OPCML: variants seen among roughly 807,000 people sequenced by gnomAD.
The protein encoded by OPCML is opioid-binding protein/cell adhesion molecule.
A neutral mutation model predicts 37.8 loss-of-function variants in OPCML; 13 were observed. The observed-to-expected ratio is 0.34, with a 90% CI of 0.22 to 0.55. OPCML has a LOEUF of 0.55. OPCML is among the 20% of genes least tolerant of loss of function. OPCML has a pLI of 0.91. For synonymous variants in OPCML, 176 were observed against 168.8 expected, an observed-to-expected ratio of 1.04 and a Z score of -0.33; for missense variants, 341 against 435.6, an observed-to-expected ratio of 0.78 and a Z score of 1.93.
At chr11:132,737,462 GATTAT>G (rs1945296936) in intron 2 of OPCML, among the ~76,000 whole-genome samples, 1 of 152,086 alleles carries the variant, frequency 6.6e-6, no homozygotes, top group Admixed American at 6.6e-5. Context: ...GAATGAGAAT[GATTAT>G]ATAACTAGAA....
At chr11:133,481,309 T>C (rs764393357) in intron 1 of OPCML, among the ~76,000 whole-genome samples, 1 of 152,130 alleles carries the variant, frequency 6.6e-6, no homozygotes, top group Non-Finnish European at 1.5e-5. Context: ...TCTAATCACC[T>C]CATTTTACAG....
intron 1 of OPCML, among the ~76,000 whole-genome samples, chr11:133,501,216 T>A (rs1014459538): frequency 2.6e-5 from 4 of 152,166 alleles, no homozygotes; most frequent in Admixed American, 2.6e-4. Flanking sequence ...TTCTATACGC[T>A]GTCCACAGGC....
intron 1 of OPCML, among the ~76,000 whole-genome samples, chr11:133,136,875 GTTGGGGAAGGGGTTTTAA>G (rs1949700801): frequency 7.8e-6 from 1 of 127,872 alleles, no homozygotes; most frequent in African/African-American, 3.0e-5. Flanking sequence ...GTGTGTGTGT[GTTGGGGAAGGGGTTTTAA>G]TGTGTTTCAT....
At chr11:132,523,528 G>A (rs12223209) in intron 4 of OPCML, among the ~76,000 whole-genome samples, 1 of 146,654 alleles carries the variant, frequency 6.8e-6, no homozygotes, top group East Asian at 2.0e-4. Flanking sequence ...CAGATCAGAA[G>A]AAATGCGGCT....
intron 1 of OPCML, among the ~76,000 whole-genome samples, chr11:133,398,862 A>G (rs1191279267): frequency 6.6e-6 from 1 of 152,140 alleles, no homozygotes; most frequent in African/African-American, 2.4e-5. Context: ...CTAATTTTCT[A>G]TTAGCCCTAT....
At chr11:132,422,269 G>A (rs1346011722) in intron 7 of OPCML, among the ~76,000 whole-genome samples, 1 of 152,156 alleles carries the variant, frequency 6.6e-6, no homozygotes, top group African/African-American at 2.4e-5. Flanking sequence ...CATTCCTGTG[G>A]ATACCATGCC....
intron 4 of OPCML, among the ~76,000 whole-genome samples, chr11:132,479,456 C>A (rs2512719): frequency 2.0e-5 from 3 of 152,096 alleles, no homozygotes; most frequent in Admixed American, 2.0e-4. Context: ...GAAGGGGCGC[C>A]CACCATTGCC....
chr11:133,472,473 G>A (rs1007657583), intron 1 of OPCML, among the ~76,000 whole-genome samples: 2 of 151,820 alleles, frequency 1.3e-5, no homozygotes, highest in Non-Finnish European at 2.9e-5. Flanking sequence ...CATCATGAAC[G>A]GAATAGCTCT....
chr11:132,914,214 T>C (rs1187169924), intron 2 of OPCML, among the ~76,000 whole-genome samples: 1 of 152,244 alleles, frequency 6.6e-6, no homozygotes, highest in Non-Finnish European at 1.5e-5. Context: ...CAAAGAGAAC[T>C]GCCTTGTGGC....
intron 1 of OPCML, among the ~76,000 whole-genome samples, chr11:132,971,732 G>A (rs952795301): frequency 6.6e-6 from 1 of 152,040 alleles, no homozygotes; most frequent in Non-Finnish European, 1.5e-5. Flanking sequence ...CAGGCTGTTT[G>A]GTCATTACAC....
chr11:132,936,194 C>A (rs1945366884), intron 2 of OPCML, among the ~76,000 whole-genome samples: 1 of 152,184 alleles, frequency 6.6e-6, no homozygotes, highest in Non-Finnish European at 1.5e-5. Flanking sequence ...ATGCAGATTT[C>A]CTGACCTTCA....
At chr11:132,535,200 G>T (rs1232846183) in intron 3 of OPCML, among the ~76,000 whole-genome samples, 1 of 151,942 alleles carries the variant, frequency 6.6e-6, no homozygotes, top group Non-Finnish European at 1.5e-5. Flanking sequence ...AAACTCTCTA[G>T]CTACCAGAGT....
intron 3 of OPCML, among the ~76,000 whole-genome samples, chr11:132,612,349 A>T (rs1469331972): frequency 2.6e-5 from 4 of 152,192 alleles, no homozygotes; most frequent in African/African-American, 9.7e-5. Context: ...TAAATAACTG[A>T]TATTATAGAT....
chr11:132,741,319 A>G (rs936686001), intron 2 of OPCML, among the ~76,000 whole-genome samples: 1 of 152,130 alleles, frequency 6.6e-6, no homozygotes, highest in African/African-American at 2.4e-5. Flanking sequence ...CAATTTCCCC[A>G]CTCATATACC....
chr11:132,449,928 A>C (rs375493136), intron 4 of OPCML, among the ~76,000 whole-genome samples: 51 of 152,306 alleles, frequency 3.3e-4, no homozygotes, highest in African/African-American at 1.2e-3. Context: ...ATCCTTGGAC[A>C]GCACTCGACA....
intron 1 of OPCML, among the ~76,000 whole-genome samples, chr11:133,368,952 G>T (rs1278722452): frequency 3.9e-5 from 6 of 152,154 alleles, no homozygotes; most frequent in Admixed American, 2.0e-4. Flanking sequence ...ACAATTAAAT[G>T]AATTTAAAAC....
At chr11:132,599,210 C>T (rs914003049) in intron 3 of OPCML, among the ~76,000 whole-genome samples, 4 of 152,190 alleles carry the variant, frequency 2.6e-5, no homozygotes, top group Middle Eastern at 3.4e-3. Context: ...CGCTTGAACC[C>T]GGGAGGTGGA....
chr11:132,804,676 T>A (rs1021259796), intron 2 of OPCML, among the ~76,000 whole-genome samples: 1 of 152,148 alleles, frequency 6.6e-6, no homozygotes, highest in African/African-American at 2.4e-5. Context: ...TGCTAAACTC[T>A]CTCTAGAAAA....
At chr11:132,504,288 C>T (rs771705439) in intron 4 of OPCML, among the ~76,000 whole-genome samples, 6 of 152,160 alleles carry the variant, frequency 3.9e-5, no homozygotes, top group Admixed American at 1.3e-4. Flanking sequence ...TACCCTTATG[C>T]AGATAATAAA....
Sources: allele counts gnomAD v4.1 joint callset (sites outside exome capture counted in the v4.1 genomes callset), GRCh38; gene constraint gnomAD v4.1.1; transcripts MANE v1.5; gene names NCBI Gene and HGNC (gene_info 2026-07-23, HGNC 2026-07-21).